RIMS2: variants seen among roughly 807,000 people sequenced by gnomAD.
RIMS2 encodes regulating synaptic membrane exocytosis protein 2.
A neutral mutation model predicts 174.4 loss-of-function variants in RIMS2; 59 were observed. The observed-to-expected ratio is 0.34, with a 90% CI of 0.27 to 0.42. The LOEUF (loss-of-function observed/expected upper bound fraction) is 0.42. Among genes scored for constraint, RIMS2 ranks in the 10% least tolerant of loss-of-function variants. The pLI, the probability that RIMS2 is intolerant of heterozygous loss-of-function variation, is 1.00. For synonymous variants in RIMS2, 606 were observed against 572.5 expected (o/e 1.06, Z -0.84); for missense variants, 1,620 against 1,666.3 (o/e 0.97, Z 0.48).
At chr8:103,855,173 T>C (rs1041279828) in intron 3 of RIMS2, among the ~76,000 whole-genome samples, 2 of 152,106 alleles carry the variant, frequency 1.3e-5, no homozygotes, top group African/African-American at 2.4e-5. Flanking sequence ...TCTCCAAAGA[T>C]CTTTTGTATT....
At chr8:103,748,163 G>A (rs548824635) in intron 2 of RIMS2, among the ~76,000 whole-genome samples, 5 of 152,062 alleles carry the variant, frequency 3.3e-5, no homozygotes, top group South Asian at 2.1e-4. Flanking sequence ...AAGAATTAGC[G>A]GGGTGTGGTG....
At chr8:103,527,861 G>A (rs1036306570) in intron 1 of RIMS2, among the ~76,000 whole-genome samples, 2 of 152,176 alleles carry the variant, frequency 1.3e-5, no homozygotes, top group African/African-American at 2.4e-5. Flanking sequence ...ACGTGTGCAT[G>A]TGTCTTTATA....
At chr8:103,528,305 C>G (rs1308556370) in intron 1 of RIMS2, among the ~76,000 whole-genome samples, 1 of 151,390 alleles carries the variant, frequency 6.6e-6, no homozygotes, top group East Asian at 2.0e-4. Flanking sequence ...TTTGTCAGAT[C>G]AGTAGATTGC....
At chr8:103,868,176 A>G (rs1371825135) in intron 3 of RIMS2, among the ~76,000 whole-genome samples, 3 of 152,196 alleles carry the variant, frequency 2.0e-5, no homozygotes, top group Middle Eastern at 3.4e-3. Context: ...TTGGATACGT[A>G]TACATAAATT....
At chr8:104,165,876 G>C (rs2098793709) in intron 19 of RIMS2, among the ~76,000 whole-genome samples, 2 of 151,996 alleles carry the variant, frequency 1.3e-5, no homozygotes, top group South Asian at 4.2e-4. Context: ...GAAAAATGGT[G>C]TCGTGCAGGC....
chr8:104,224,731 A>C (rs1453242960), intron 19 of RIMS2, among the ~76,000 whole-genome samples: 1 of 152,192 alleles, frequency 6.6e-6, no homozygotes, highest in Non-Finnish European at 1.5e-5. Context: ...CCCTGATTTA[A>C]AAGAAATTGC....
intron 19 of RIMS2, among the ~76,000 whole-genome samples, chr8:104,077,372 G>C (rs562897295): frequency 6.6e-6 from 1 of 151,868 alleles, no homozygotes; most frequent in African/African-American, 2.4e-5. Flanking sequence ...AGTAGAGATA[G>C]ATAAGTATAT....
At chr8:103,597,593 T>G (rs1175540575) in intron 1 of RIMS2, among the ~76,000 whole-genome samples, 4 of 152,190 alleles carry the variant, frequency 2.6e-5, no homozygotes, top group South Asian at 4.1e-4. Flanking sequence ...ACTTTCCTTC[T>G]GTCCCTAATA....
At chr8:104,211,806 G>A (rs551332478) in intron 19 of RIMS2, among the ~76,000 whole-genome samples, 26 of 152,196 alleles carry the variant, frequency 1.7e-4, no homozygotes, top group Non-Finnish European at 3.2e-4. Flanking sequence ...GAGCCACCGC[G>A]CGTGACTGGA....
chr8:104,135,933 A>T (rs1052847398), intron 19 of RIMS2, among the ~76,000 whole-genome samples: 1 of 152,152 alleles, frequency 6.6e-6, no homozygotes, highest in African/African-American at 2.4e-5. Context: ...AGCCTTGTGG[A>T]TACTGTTGGG....
At chr8:104,067,802 G>A (rs1283691244) in intron 19 of RIMS2, among the ~76,000 whole-genome samples, 1 of 152,278 alleles carries the variant, frequency 6.6e-6, no homozygotes, top group Non-Finnish European at 1.5e-5. Flanking sequence ...TACAACTGAT[G>A]TCTTTTAGGT....
At chr8:103,511,577 A>G (rs956389123) in intron 1 of RIMS2, among the ~76,000 whole-genome samples, 5 of 152,192 alleles carry the variant, frequency 3.3e-5, no homozygotes, top group African/African-American at 4.8e-5. Flanking sequence ...GTTATGATTA[A>G]ACTTCATGAC....
At chr8:103,884,696 C>G (rs1210019832) in intron 3 of RIMS2, among the ~76,000 whole-genome samples, 2 of 151,674 alleles carry the variant, frequency 1.3e-5, no homozygotes, top group Non-Finnish European at 2.9e-5. Context: ...TATTATTTGT[C>G]TATTTTTATT....
chr8:103,588,904 C>T (rs2094113081), intron 1 of RIMS2, among the ~76,000 whole-genome samples: 1 of 151,688 alleles, frequency 6.6e-6, no homozygotes, highest in Non-Finnish European at 1.5e-5. Context: ...CAGAAATGAA[C>T]TAATGGGATC....
intron 14 of RIMS2, among the ~76,000 whole-genome samples, chr8:103,949,855 A>G (rs1354773694): frequency 6.6e-6 from 1 of 152,166 alleles, no homozygotes; most frequent in Admixed American, 6.5e-5. Flanking sequence ...GGTTGGATCT[A>G]TGAAATTATC....
chr8:104,088,110 A>G (rs2097568336), intron 19 of RIMS2, among the ~76,000 whole-genome samples: 1 of 152,042 alleles, frequency 6.6e-6, no homozygotes, highest in African/African-American at 2.4e-5. Context: ...ATTTTTATGC[A>G]ATTTATTTTT....
chr8:103,957,567 T>C (rs1468808165), intron 14 of RIMS2, among the ~76,000 whole-genome samples: 1 of 151,986 alleles, frequency 6.6e-6, no homozygotes, highest in Non-Finnish European at 1.5e-5. Flanking sequence ...TGAGAACACA[T>C]AGACACAGGG....
intron 1 of RIMS2, among the ~76,000 whole-genome samples, chr8:103,590,278 T>C (rs1310884566): frequency 6.6e-6 from 1 of 151,350 alleles, no homozygotes; most frequent in Non-Finnish European, 1.5e-5. Flanking sequence ...ACCAAAAAAC[T>C]GTTAGAACTT....
chr8:103,810,896 A>G (rs1296571699), intron 3 of RIMS2, among the ~76,000 whole-genome samples: 1 of 152,220 alleles, frequency 6.6e-6, no homozygotes, highest in African/African-American at 2.4e-5. Flanking sequence ...ATAATATTTC[A>G]TTTGTTCACA....
Sources: gnomAD v4.1 joint callset for allele counts (sites outside exome capture counted in the v4.1 genomes callset) on GRCh38, gnomAD v4.1.1 for gene constraint, MANE v1.5 for transcripts, NCBI Gene and HGNC (gene_info 2026-07-23, HGNC 2026-07-21) for gene names.